MYO7B: variants seen among roughly 807,000 people sequenced by gnomAD.
The protein encoded by MYO7B is unconventional myosin-VIIb.
Under a neutral mutation model 259.7 loss-of-function variants are expected in MYO7B, and 212 were observed. The observed-to-expected ratio is 0.82, with a 90% confidence interval of 0.73 to 0.91. The LOEUF (loss-of-function observed/expected upper bound fraction) is 0.91. MYO7B is among the 40% of genes least tolerant of loss of function. The pLI is 0.00. For synonymous variants in MYO7B, 1,197 were observed against 1,166.4 expected (o/e 1.03, Z -0.54); for missense variants, 2,732 against 2,813.5 (o/e 0.97, Z 0.66).
rs761455298 is a variant in MYO7B at position 127,537,601 on chromosome 2, C to G, written c.-24+1770C>G. On this transcript the variant is annotated intron_variant, in intron 1 of 47. Transcript: ENST00000409816. Reference sequence around the variant, plus strand: ...CTGTAATCCCAGCACTTTGGGAGGCCGAGGTGGGAGGATTGCTTGAGCCCA... The same window carrying G: ...CTGTAATCCCAGCACTTTGGGAGGCGGAGGTGGGAGGATTGCTTGAGCCCA... 3.3e-5 allele frequency among the ~76,000 whole-genome samples: 5 copies of G among 151,842 alleles called. No homozygotes were observed. In the East Asian group the frequency reaches 9.7e-4, roughly 29 times the overall value.
At chr2:127,630,704 G>C in intron 35 of MYO7B, 74 bp from the exon 36 acceptor site, 1 of 1,587,166 alleles carries the variant, frequency 6.3e-7, no homozygotes, top group Non-Finnish European at 8.6e-7. Flanking sequence ...GAGGCTGCCA[G>C]GCCGGGAGGA....
At chr2:127,544,004 C>G (rs1031723233) in intron 1 of MYO7B, among the ~76,000 whole-genome samples, 1 of 152,164 alleles carries the variant, frequency 6.6e-6, no homozygotes, top group Non-Finnish European at 1.5e-5. Context: ...CTCTCCTGAC[C>G]TCGTGATCTG....
At position 127,629,685 on chromosome 2, in the gene MYO7B, G is replaced by T; in HGVS notation, c.4665G>T (p.Leu1555Phe). The T allele has an allele frequency of 1.9e-6, 3 of 1,612,390 alleles. No homozygotes were observed. The highest frequency in any genetic ancestry group is 2.2e-5 in the South Asian group (2 of 90,994). The stretch of plus-strand genomic sequence containing the variant: ...TGGCCTTCAAGAAGGGGGACCTGTT[G>T]GTCCTCACAAAGAAGCAGGGGCTGC... Reference protein sequence around the residue: ...TLLAFKKGDLLVLTKKQGLLA... With the variant: ...TLLAFKKGDLFVLTKKQGLLA... The change falls in exon 35 of 48, where the codon TTG (leucine) becomes TTT (phenylalanine). Residue 1555 changes from leucine to phenylalanine, a missense_variant. By Grantham distance (22) the Leu-to-Phe change is conservative. Transcript: ENST00000409816.
intron 35 of MYO7B, 143 bp from the exon 36 acceptor site, chr2:127,630,635 C>A: frequency 1.8e-6 from 2 of 1,133,800 alleles, no homozygotes; most frequent in Non-Finnish European, 2.5e-6. Context: ...CGGCAGGTGA[C>A]AGGGGTGTGG....
intron 27 of MYO7B, 42 bp downstream of exon 27, chr2:127,620,508 C>A: frequency 1.4e-6 from 2 of 1,461,522 alleles, no homozygotes; most frequent in African/African-American, 1.4e-5. Flanking sequence ...GGGGCAGGTT[C>A]TGGTGGGAGC....
Position 127,584,952 on chromosome 2 carries a change from G to A in MYO7B, c.1690+39G>A. 1 of 1,610,380 alleles carries A rather than the reference G, an allele frequency of 6.2e-7. No homozygotes were observed. Among genetic ancestry groups the A allele is most frequent in the Non-Finnish European group, 8.5e-7 (1 of 1,177,700 alleles). On this transcript the variant is annotated intron_variant, in intron 14 of 47. Coordinates refer to ENST00000409816, the MANE Select transcript of MYO7B (RefSeq NM_001393586.1). This position sits in a 1 kb window ranked among gnomAD's most constrained non-coding sequence, Gnocchi z 5.8. ...TCCTCTCATGTCCCTTCCAAATCTGGACCGGGTTCCAGGGAGACCGTGGAA... is the reference window on the plus strand; with the variant it reads ...TCCTCTCATGTCCCTTCCAAATCTGAACCGGGTTCCAGGGAGACCGTGGAA...
At chr2:127,635,578 C>A in intron 43 of MYO7B, 144 bp from the exon 44 acceptor site, 1 of 890,104 alleles carries the variant, frequency 1.1e-6, no homozygotes, top group Non-Finnish European at 1.7e-6. Context: ...GGTCATTCCC[C>A]TGGCCTGAAA....
At chr2:127,570,187 T>G (rs1678536661) in intron 6 of MYO7B, among the ~76,000 whole-genome samples, 1 of 151,792 alleles carries the variant, frequency 6.6e-6, no homozygotes, top group Admixed American at 6.6e-5. Flanking sequence ...TCAAATCAAT[T>G]TGGGAAATGC....
At chr2:127,552,787 T>C (rs1010149543) in intron 1 of MYO7B, among the ~76,000 whole-genome samples, 1 of 152,146 alleles carries the variant, frequency 6.6e-6, no homozygotes, top group African/African-American at 2.4e-5. Context: ...CCTCTGTGTC[T>C]TTTCCCACCT....
At chr2:127,588,279 G>A (rs1679380341) in intron 14 of MYO7B, 113 bp from the exon 15 acceptor site, 1 of 1,249,900 alleles carries the variant, frequency 8.0e-7, no homozygotes, top group Non-Finnish European at 1.1e-6. Context: ...TGGGGCCATT[G>A]TAGGAGGGGG....
rs767222044 is a variant in MYO7B at position 127,620,341 on chromosome 2, G to A, written c.3400G>A (p.Asp1134Asn). ...CTCCTAATGGTCTGTGTCTTTCAGGGATGAGATTTACTGCCAGATCTGCAA... is the reference window on the plus strand; with the variant it reads ...CTCCTAATGGTCTGTGTCTTTCAGGAATGAGATTTACTGCCAGATCTGCAA... ...GYAILRPSLR[D>N]EIYCQICKQL... is the part of the protein sequence containing the mutation. Residue 1134 changes from aspartate (D) to asparagine (N), a missense_variant and splice_region_variant, in exon 27 of 48, where the codon GAT (aspartate) becomes AAT (asparagine). By Grantham distance (23) the Asp-to-Asn change is conservative. This residue lies in a region of MYO7B where 1,906 missense variants were observed against 2,026.4 expected (regional missense o/e 0.94). Transcript: ENST00000409816. 6.2e-7 allele frequency: 1 copy of A among 1,611,338 alleles called. No homozygotes were observed. Among genetic ancestry groups the A allele is most frequent in the Non-Finnish European group, 8.5e-7 (1 of 1,178,054 alleles).
chr2:127,567,733 C>A (rs1678417183), intron 5 of MYO7B, among the ~76,000 whole-genome samples: 1 of 152,214 alleles, frequency 6.6e-6, no homozygotes, highest in African/African-American at 2.4e-5. Flanking sequence ...GTGCCCCCAA[C>A]TGTCCTAACA....
Position 127,594,577 on chromosome 2 carries a change from C to A in MYO7B, c.2244+933C>A, listed in dbSNP as rs1162979385. Among the ~76,000 whole-genome samples the A allele has an allele frequency of 1.3e-5, 2 of 152,218 alleles. 1 individual carries two copies. The highest frequency in any genetic ancestry group is 4.8e-5 in the African/African-American group (2 of 41,458). ...AATTTAGTGGGGGAGGCAAGGCCAG[C>A]AGAGGGACCATCTCAGTGCACTGTG... On this transcript the variant is annotated intron_variant, in intron 18 of 47. Transcript: ENST00000409816.
Position 127,549,180 on chromosome 2 carries a change from CTT to C in MYO7B, c.-23-10518_-23-10517del, listed in dbSNP as rs1256114971. On this transcript the variant is annotated intron_variant, in intron 1 of 47. Coordinates refer to ENST00000409816, the MANE Select transcript of MYO7B (RefSeq NM_001393586.1). Reference sequence around the variant, plus strand: ...CCTTCCTTCCTTTCTTTCTTTCTTTCTTTCTCTCTTTCTTTCTTATACAAAAC... The same window carrying C: ...CCTTCCTTCCTTTCTTTCTTTCTTTCTCTCTCTTTCTTTCTTATACAAAAC... 5.4e-5 allele frequency among the ~76,000 whole-genome samples: 6 copies of C among 110,326 alleles called. No homozygotes were observed. The South Asian group carries it at 9.7e-4, about 18-fold the overall frequency. The allele number at this position is 110,326 out of a possible 152,430, so 72.4% of individuals were successfully genotyped here. A position where few individuals can be genotyped will look rare whatever the true frequency, so the allele number is the denominator to read the frequency against.
chr2:127,555,688 C>T (rs1693610108), intron 1 of MYO7B, among the ~76,000 whole-genome samples: 2 of 152,136 alleles, frequency 1.3e-5, no homozygotes, highest in Admixed American at 1.3e-4. Flanking sequence ...ATTTCATTTC[C>T]ATGTATTTGC....
Position 127,624,135 on chromosome 2 carries a change from A to G in MYO7B, c.3862A>G (p.Ile1288Val), listed in dbSNP as rs763969039. Residue 1288 changes from isoleucine to valine, a missense_variant, in exon 30 of 48, where the codon ATC becomes GTC. Ile to Val is a conservative substitution (Grantham distance 29, BLOSUM62 3). Coordinates refer to ENST00000409816, the MANE Select transcript of MYO7B (RefSeq NM_001393586.1). ...GSGRDHMMDA[I>V]ARCEQMAQER... The stretch of plus-strand genomic sequence containing the variant: ...CGGGCGCGACCACATGATGGATGCC[A>G]TCGCCCGGTGTGAGCAGATGGCCCA... 3 of 1,591,172 alleles carry G rather than the reference A, an allele frequency of 1.9e-6. No homozygotes were observed. The South Asian group carries it at 3.4e-5, about 18-fold the overall frequency.
Position 127,582,290 on chromosome 2 carries a change from C to T in MYO7B, c.1201-14C>T. On this transcript the variant is annotated splice_polypyrimidine_tract_variant and intron_variant, in intron 11 of 47. Transcript: ENST00000409816. ...CTCCAAGCCCAGGATTCTCCCACCC[C>T]CGTGTCTCTCCAGGGCATCTATGGG... 6.2e-7 allele frequency: 1 copy of T among 1,612,078 alleles called. No individual in the cohort carries two copies. Among genetic ancestry groups the T allele is most frequent in the Non-Finnish European group, 8.5e-7 (1 of 1,179,194 alleles).
intron 42 of MYO7B, 118 bp downstream of exon 42, chr2:127,634,801 G>A (rs1681711099): frequency 2.9e-6 from 3 of 1,044,638 alleles, no homozygotes; most frequent in Admixed American, 4.3e-5. Context: ...GTGTCCCTGG[G>A]TTGTGGGAAC....
At chr2:127,624,391 A>C in intron 30 of MYO7B, 71 bp downstream of exon 30, 13 of 1,368,616 alleles carry the variant, frequency 9.5e-6, no homozygotes, top group African/African-American at 1.4e-5. Context: ...GAGGCACCCA[A>C]CTGGCTTCTG....
Sources: gnomAD v4.1 joint callset for allele counts (sites outside exome capture counted in the v4.1 genomes callset) on GRCh38, gnomAD v4.1.1 for gene constraint, gnomAD v4.1.1 regional missense constraint, Gnocchi (gnomAD v3.1) non-coding constraint, MANE v1.5 for transcripts, NCBI Gene and HGNC (gene_info 2026-07-23, HGNC 2026-07-21) for gene names.